ASCC3: variants seen among roughly 807,000 people sequenced by gnomAD.
ASCC3 encodes the protein activating signal cointegrator 1 complex subunit 3.
In ASCC3, 158 loss-of-function variants were observed where a neutral mutation model predicts 256.3. The observed-to-expected ratio is 0.62, with a 90% CI of 0.54 to 0.70. The LOEUF is 0.70. ASCC3 is among the 30% of genes least tolerant of loss of function. The pLI, the probability that ASCC3 is intolerant of heterozygous loss-of-function variation, is 0.00. For synonymous variants in ASCC3, 948 were observed against 883.4 expected, an observed-to-expected ratio of 1.07 and a Z score of -1.30; for missense variants, 2,259 against 2,626.0, an observed-to-expected ratio of 0.86 and a Z score of 3.05.
chr6:100,532,338 G>A (rs1330431053), intron 37 of ASCC3, among the ~76,000 whole-genome samples: 1 of 26,696 alleles, frequency 3.7e-5, no homozygotes, highest in African/African-American at 1.5e-4. Context: ...TATCTTGCGT[G>A]TGTGTGTGTG....
At chr6:100,662,282 C>T in intron 15 of ASCC3, 63 bp downstream of exon 15, 1 of 1,514,788 alleles carries the variant, frequency 6.6e-7, no homozygotes, top group East Asian at 2.3e-5. Context: ...CTATGTAAGT[C>T]AACCCAGAGC....
chr6:100,788,205 C>T (rs1198040923), intron 8 of ASCC3, among the ~76,000 whole-genome samples: 1 of 151,878 alleles, frequency 6.6e-6, no homozygotes, highest in African/African-American at 2.4e-5. Flanking sequence ...CAAGTAAGGA[C>T]ACAAAAAGCT....
At chr6:100,736,191 A>G (rs532695544) in intron 10 of ASCC3, among the ~76,000 whole-genome samples, 80 of 152,362 alleles carry the variant, frequency 5.3e-4, no homozygotes, top group African/African-American at 1.8e-3. Flanking sequence ...AGAACAAAGT[A>G]TATTTACATT....
At chr6:100,621,406 C>A (rs1448889852) in intron 30 of ASCC3, among the ~76,000 whole-genome samples, 1 of 151,888 alleles carries the variant, frequency 6.6e-6, no homozygotes, top group Non-Finnish European at 1.5e-5. Context: ...AAAAAAAGAA[C>A]CCCACTAAAA....
chr6:100,586,652 G>A (rs1047349839), intron 36 of ASCC3, among the ~76,000 whole-genome samples: 1 of 152,172 alleles, frequency 6.6e-6, no homozygotes, highest in African/African-American at 2.4e-5. Context: ...AGATGGAAAT[G>A]CAGAAATCAC....
chr6:100,732,815 A>G (rs1779968953), intron 10 of ASCC3, among the ~76,000 whole-genome samples: 1 of 152,200 alleles, frequency 6.6e-6, no homozygotes, highest in East Asian at 1.9e-4. Flanking sequence ...TGCCACTGCC[A>G]CAACCTATAC....
At position 100,647,377 on chromosome 6, in the gene ASCC3, G is replaced by A. The variant is rs1211150894; in HGVS notation, c.3327C>T (p.Leu1109=). ...RKRWPTMTYR[L]LNLSKVIDKR... ...TGTCAATGACTTTACTAAGATTCAGGAGCCTGTAGGTCATGGTAGGCCAAC... is the reference window on the plus strand; with the variant it reads ...TGTCAATGACTTTACTAAGATTCAGAAGCCTGTAGGTCATGGTAGGCCAAC... Residue 1109 remains leucine (L), a synonymous_variant, in exon 21 of 42, where the codon CTC becomes CTT. Transcript: ENST00000369162. 2 of 1,613,868 alleles carry A rather than the reference G, an allele frequency of 1.2e-6. No individual in the cohort carries two copies. The highest frequency in any genetic ancestry group is 1.6e-4 in the Middle Eastern group (1 of 6,084).
chr6:100,732,327 G>A (rs1779942454), intron 10 of ASCC3, among the ~76,000 whole-genome samples: 1 of 152,062 alleles, frequency 6.6e-6, no homozygotes, highest in South Asian at 2.1e-4. Flanking sequence ...TCAATATTAA[G>A]AGATTACATT....
intron 36 of ASCC3, among the ~76,000 whole-genome samples, chr6:100,584,781 G>T (rs933657204): frequency 1.3e-4 from 20 of 151,748 alleles, no homozygotes; most frequent in Non-Finnish European, 2.4e-4. Context: ...CAGGGCTGGT[G>T]GTGACAAAAT....
At chr6:100,765,676 T>G (rs960471063) in intron 10 of ASCC3, among the ~76,000 whole-genome samples, 5 of 152,204 alleles carry the variant, frequency 3.3e-5, no homozygotes, top group Non-Finnish European at 7.4e-5. Context: ...GCACATGTCA[T>G]CAGGATCTCC....
At chr6:100,709,681 T>G (rs1261660297) in intron 13 of ASCC3, among the ~76,000 whole-genome samples, 1 of 152,074 alleles carries the variant, frequency 6.6e-6, no homozygotes, top group African/African-American at 2.4e-5. Context: ...TATTATTCAT[T>G]AAGAAAAAGT....
At chr6:100,863,684 T>C (rs903947085) in intron 3 of ASCC3, among the ~76,000 whole-genome samples, 17 of 152,140 alleles carry the variant, frequency 1.1e-4, no homozygotes, top group African/African-American at 4.1e-4. Context: ...GGCATGATCT[T>C]GGCTCACCAC....
rs188773654 is a variant in ASCC3, at chr6:100,782,083, C to G, written c.1396-14738G>C. Among the ~76,000 whole-genome samples the G allele has an allele frequency of 4.9e-3, 738 of 151,958 alleles. 9 individuals are homozygous for G. Among genetic ancestry groups the G allele is most frequent in the African/African-American group, 0.017 (715 of 41,446 alleles). ...ACCCAGGCTTATTTGTTTGTTTGAC[C>G]TGCAAAAGAATTATAGGGAATTCTT... is the stretch of plus-strand genomic sequence containing the variant. On this transcript the variant is annotated intron_variant, in intron 8 of 41. Coordinates refer to ENST00000369162, the MANE Select transcript of ASCC3 (RefSeq NM_006828.4).
chr6:100,787,816 T>C (rs1769162717), intron 8 of ASCC3, among the ~76,000 whole-genome samples: 1 of 152,060 alleles, frequency 6.6e-6, no homozygotes, highest in African/African-American at 2.4e-5. Context: ...CATTTCACCA[T>C]ATATAAAAAC....
intron 36 of ASCC3, among the ~76,000 whole-genome samples, chr6:100,550,254 T>C (rs1037838121): frequency 5.3e-5 from 8 of 151,830 alleles, no homozygotes; most frequent in Non-Finnish European, 1.0e-4. Context: ...GAAAATTCAA[T>C]AGCTATTTTA....
chr6:100,551,956 G>C (rs1769322873), intron 36 of ASCC3, among the ~76,000 whole-genome samples: 2 of 151,664 alleles, frequency 1.3e-5, no homozygotes, highest in Non-Finnish European at 1.5e-5. Flanking sequence ...GTGAGATCTG[G>C]GAATTGATAC....
chr6:100,686,386 A>G (rs1479132335), intron 13 of ASCC3, among the ~76,000 whole-genome samples: 1 of 152,172 alleles, frequency 6.6e-6, no homozygotes, highest in Non-Finnish European at 1.5e-5. Flanking sequence ...CCTAGTAGCC[A>G]CTATGTTTCT....
chr6:100,509,211 C>T lies in ASCC3; in HGVS notation c.*175G>A, dbSNP rs1412379382. On this transcript the variant is annotated 3_prime_UTR_variant, in exon 42 of 42. Transcript: ENST00000369162. Reference sequence around the variant, plus strand: ...TAAAAGGCAACATTTGTTAAAAGGCCACTGTGGTTAACTTTATGTCACTGG... The same window carrying T: ...TAAAAGGCAACATTTGTTAAAAGGCTACTGTGGTTAACTTTATGTCACTGG... 2.7e-6 allele frequency: 2 copies of T among 753,008 alleles called. No individual in the cohort carries two copies. Among genetic ancestry groups the T allele is most frequent in the East Asian group, 5.0e-5 (2 of 39,868 alleles). The allele number at this position is 753,008 out of a possible 1,614,324, so 46.6% of individuals were successfully genotyped here.
At chr6:100,515,153 A>G (rs1183849819) in intron 39 of ASCC3, among the ~76,000 whole-genome samples, 2 of 152,210 alleles carry the variant, frequency 1.3e-5, no homozygotes, top group African/African-American at 4.8e-5. Context: ...TTGGCTTGAA[A>G]TCAATGTATG....
Sources: allele counts gnomAD v4.1 joint callset (sites outside exome capture counted in the v4.1 genomes callset), GRCh38; gene constraint gnomAD v4.1.1; transcripts MANE v1.5; gene names NCBI Gene and HGNC (gene_info 2026-07-23, HGNC 2026-07-21).